The following RBFOX1 variants were observed in gnomAD, a reference collection of about 807,000 sequenced individuals.
RBFOX1 encodes the protein RNA binding fox-1 homolog 1, also known as RNA binding protein fox-1 homolog 1.
RBFOX1 carries 8 observed loss-of-function variants against 57.7 expected under a neutral mutation model. That is an observed-to-expected ratio of 0.14 (90% confidence interval 0.08 to 0.25). The LOEUF is 0.25. RBFOX1 is among the 10% of genes least tolerant of loss of function. RBFOX1 has a pLI of 1.00. For synonymous variants in RBFOX1, 326 were observed against 222.4 expected (o/e 1.47, Z -4.15); for missense variants, 611 against 548.5 (o/e 1.11, Z -1.14).
chr16:6,741,654 G>A (rs186701500), intron 3 of RBFOX1, among the ~76,000 whole-genome samples: 8 of 149,576 alleles, frequency 5.3e-5, no homozygotes, highest in African/African-American at 2.0e-4. Context: ...GGGCGACAGA[G>A]CCAGACTCAG....
intron 2 of RBFOX1, among the ~76,000 whole-genome samples, chr16:6,610,889 G>A (rs1350094421): frequency 6.6e-6 from 1 of 152,140 alleles, no homozygotes; most frequent in Non-Finnish European, 1.5e-5. Flanking sequence ...CATTTGATAT[G>A]CCTGTTCCAC....
At chr16:5,259,195 T>A (rs2062666215) in intron 1 of RBFOX1, among the ~76,000 whole-genome samples, 5 of 152,138 alleles carry the variant, frequency 3.3e-5, no homozygotes, top group Admixed American at 3.3e-4. Context: ...GTGCCTTTTT[T>A]TTTTTAGTGT....
chr16:7,655,615 T>C lies in RBFOX1; in HGVS notation c.890+1668T>C, dbSNP rs114791473. Among the ~76,000 whole-genome samples the C allele has an allele frequency of 4.2e-3, 640 of 152,090 alleles. 5 individuals carry two copies. The highest frequency in any genetic ancestry group is 0.015 in the African/African-American group (623 of 41,534). ...TTATTCCCAAGATCATGTAATGAGT[T>C]ATGAAGGAAAAAGAAAATCCCAAGT... is the stretch of plus-strand genomic sequence containing the variant. On this transcript the variant is annotated intron_variant, in intron 12 of 15. Transcript: ENST00000550418.
chr16:7,676,392 C>T (rs2073281953), intron 13 of RBFOX1, among the ~76,000 whole-genome samples: 1 of 152,170 alleles, frequency 6.6e-6, no homozygotes, highest in Non-Finnish European at 1.5e-5. Flanking sequence ...AAGTTAATAT[C>T]TGATAAAGGT....
At chr16:6,225,769 A>T (rs1047970189) in intron 1 of RBFOX1, among the ~76,000 whole-genome samples, 4 of 152,226 alleles carry the variant, frequency 2.6e-5, no homozygotes, top group African/African-American at 9.6e-5. Flanking sequence ...AAAATGGATC[A>T]TGTCAGAAAG....
intron 4 of RBFOX1, among the ~76,000 whole-genome samples, chr16:7,365,020 C>G (rs901834353): frequency 2.0e-5 from 3 of 152,150 alleles, no homozygotes; most frequent in African/African-American, 4.8e-5. Flanking sequence ...GTCTGTCTAT[C>G]CATCCGTCCG....
At position 6,097,366 on chromosome 16, in the gene RBFOX1, G is replaced by A. The variant is rs757781275; in HGVS notation, c.-127+77374G>A. On this transcript the variant is annotated intron_variant, in intron 1 of 15. Coordinates refer to ENST00000550418, the MANE Select transcript of RBFOX1 (RefSeq NM_018723.4). The surrounding 1 kb of genome is among the most constrained non-coding windows in gnomAD (Gnocchi z 5.0). Reference sequence around the variant, plus strand: ...GGTGGATATTAAAATTTTGCAAGCCGCCACTCTAGAGAAGTACCACTCAAA... The same window carrying A: ...GGTGGATATTAAAATTTTGCAAGCCACCACTCTAGAGAAGTACCACTCAAA... Among the ~76,000 whole-genome samples, 49 of 152,038 alleles carry A rather than the reference G, an allele frequency of 3.2e-4. No individual in the cohort carries two copies. Among genetic ancestry groups the A allele is most frequent in the Admixed American group, 9.2e-4 (14 of 15,250 alleles).
chr16:5,412,598 G>C (rs1293491596), intron 1 of RBFOX1, among the ~76,000 whole-genome samples: 2 of 152,222 alleles, frequency 1.3e-5, no homozygotes, highest in Non-Finnish European at 2.9e-5. Flanking sequence ...GTTTAGAGTA[G>C]GGGAGGGAGG....
chr16:5,856,867 C>A (rs1195993838), intron 3 of RBFOX1, among the ~76,000 whole-genome samples: 12 of 151,800 alleles, frequency 7.9e-5, no homozygotes, highest in Non-Finnish European at 2.9e-5. Flanking sequence ...GAAACTTTGT[C>A]CATATCATCA....
intron 4 of RBFOX1, among the ~76,000 whole-genome samples, chr16:7,345,240 A>T (rs994498491): frequency 6.6e-6 from 1 of 152,042 alleles, no homozygotes; most frequent in Admixed American, 6.5e-5. Context: ...GATGTCTTCT[A>T]TTGTTACTGT....
chr16:6,598,765 G>A (rs756057731), intron 2 of RBFOX1, among the ~76,000 whole-genome samples: 5 of 152,032 alleles, frequency 3.3e-5, no homozygotes, highest in Admixed American at 6.6e-5. Flanking sequence ...GACCAATATG[G>A]TGAAACCCTG....
intron 3 of RBFOX1, among the ~76,000 whole-genome samples, chr16:6,851,308 T>C (rs2094049199): frequency 6.6e-6 from 1 of 152,150 alleles, no homozygotes; most frequent in African/African-American, 2.4e-5. Context: ...GGTGTGGTCA[T>C]AGAAGGCGTC....
At chr16:7,461,087 C>G (rs2059497047) in intron 4 of RBFOX1, among the ~76,000 whole-genome samples, 1 of 152,132 alleles carries the variant, frequency 6.6e-6, no homozygotes, top group Non-Finnish European at 1.5e-5. Context: ...CTAAGAATAA[C>G]TGATACAGCT....
intron 4 of RBFOX1, among the ~76,000 whole-genome samples, chr16:7,460,387 A>ATGTGTGTG (rs1428436633): frequency 1.3e-5 from 1 of 75,500 alleles, no homozygotes; most frequent in African/African-American, 8.9e-5. Context: ...ATATATATAT[A>ATGTGTGTG]TATGTGTGTG....
intron 4 of RBFOX1, among the ~76,000 whole-genome samples, chr16:7,213,243 C>A (rs988065264): frequency 1.3e-5 from 2 of 152,118 alleles, no homozygotes; most frequent in African/African-American, 2.4e-5. Context: ...ATCAGTTTTT[C>A]CCCCTTTATC....
At chr16:5,407,304 G>A (rs141865757) in intron 1 of RBFOX1, among the ~76,000 whole-genome samples, 98 of 152,258 alleles carry the variant, frequency 6.4e-4, no homozygotes, top group Non-Finnish European at 9.0e-4. Flanking sequence ...TTCAAGATGA[G>A]ATTTGGGTGG....
At chr16:6,955,264 A>G (rs963246439) in intron 3 of RBFOX1, among the ~76,000 whole-genome samples, 1 of 151,998 alleles carries the variant, frequency 6.6e-6, no homozygotes, top group African/African-American at 2.4e-5. Flanking sequence ...AAAAAAAGAA[A>G]TTTAATCTAG....
intron 3 of RBFOX1, among the ~76,000 whole-genome samples, chr16:7,042,262 C>T (rs1279427788): frequency 6.6e-6 from 1 of 152,150 alleles, no homozygotes; most frequent in Non-Finnish European, 1.5e-5. Flanking sequence ...CTGCTAAGGA[C>T]AAGTGAGGCG....
chr16:5,451,987 A>C (rs74750970), intron 1 of RBFOX1, among the ~76,000 whole-genome samples: 2,434 of 152,124 alleles, frequency 0.016, 79 homozygotes, highest in African/African-American at 0.056. Context: ...TTGAAGATCA[A>C]ATTCACCATC....
Sources: allele counts gnomAD v4.1 joint callset (sites outside exome capture counted in the v4.1 genomes callset), GRCh38; gene constraint gnomAD v4.1.1; non-coding constraint Gnocchi (gnomAD v3.1); transcripts MANE v1.5; gene names NCBI Gene and HGNC (gene_info 2026-07-23, HGNC 2026-07-21).